Variants in PALM2AKAP2 observed in about 807,000 individuals in gnomAD.
PALM2AKAP2 encodes PALM2 and AKAP2 fusion.
A neutral mutation model predicts 71.5 loss-of-function variants in PALM2AKAP2; 37 were observed. That is an observed-to-expected ratio of 0.52 (90% CI 0.40 to 0.68). PALM2AKAP2 has a LOEUF of 0.68. Ranked by LOEUF, PALM2AKAP2 falls within the 30% of genes least tolerant of loss-of-function variation. The pLI is 0.00. For missense variants in PALM2AKAP2, 1,224 were observed against 1,191.8 expected (o/e 1.03, Z -0.40); for synonymous variants, 468 against 478.8 (o/e 0.98, Z 0.29).
chr9:109,748,397 G>A (rs1330658458), intron 1 of PALM2AKAP2, among the ~76,000 whole-genome samples: 1 of 152,110 alleles, frequency 6.6e-6, no homozygotes, highest in African/African-American at 2.4e-5. Flanking sequence ...AAGACAGCTG[G>A]GGCATCGGCC....
At chr9:109,943,449 C>T in intron 6 of PALM2AKAP2, 1 of 1,582,320 alleles carries the variant, frequency 6.3e-7, no homozygotes, top group Non-Finnish European at 8.6e-7. Flanking sequence ...CTCCTTTCTT[C>T]TGGGCAGCCT....
intron 1 of PALM2AKAP2, among the ~76,000 whole-genome samples, chr9:109,672,399 C>A (rs1034563862): frequency 6.6e-6 from 1 of 152,008 alleles, no homozygotes; most frequent in Admixed American, 6.6e-5. Context: ...TGTGATGAAT[C>A]ACATTTATTA....
chr9:109,780,388 G>T, upstream of PALM2AKAP2: 2 of 1,606,346 alleles, frequency 1.2e-6, no homozygotes, highest in South Asian at 1.1e-5. Context: ...CGTTCTCCCG[G>T]GTTCTAGCAA....
intron 1 of PALM2AKAP2, among the ~76,000 whole-genome samples, chr9:109,687,078 TGTTG>T (rs1827816934): frequency 6.6e-6 from 1 of 152,164 alleles, no homozygotes; most frequent in South Asian, 2.1e-4. Flanking sequence ...AGTATATCAT[TGTTG>T]GTCATTTAGG....
Position 109,791,124 on chromosome 9 carries a change from G to A in PALM2AKAP2, c.45+10591G>A, listed in dbSNP as rs577077261. ...GAGGTCCTGGAGGCAGCAGTAGAAT[G>A]TACTTTCCAATCTTACTGGTGACTA... On this transcript the variant is annotated intron_variant, in intron 1 of 9. Transcript: ENST00000302798. Among the ~76,000 whole-genome samples the A allele has an allele frequency of 6.4e-4, 98 of 152,308 alleles. 1 individual carries two copies. The highest frequency in any genetic ancestry group is 3.4e-3 in the Middle Eastern group (1 of 294).
chr9:110,135,189 A>ATATATATATATATATATATATATATATAT (rs1835831604), intron 1 of PALM2AKAP2, among the ~76,000 whole-genome samples: 1 of 113,346 alleles, frequency 8.8e-6, no homozygotes, highest in African/African-American at 3.4e-5. Context: ...ATATATATAT[A>ATATATATATATATATATATATATATATAT]AATCAGCCAG....
At chr9:110,012,113 C>T (rs1484420178) in intron 6 of PALM2AKAP2, among the ~76,000 whole-genome samples, 1 of 151,956 alleles carries the variant, frequency 6.6e-6, no homozygotes, top group African/African-American at 2.4e-5. Context: ...ACCAACGTGG[C>T]AAAACCCTGT....
At chr9:109,818,395 C>T (rs749668372) in intron 1 of PALM2AKAP2, among the ~76,000 whole-genome samples, 1 of 152,058 alleles carries the variant, frequency 6.6e-6, no homozygotes, top group Non-Finnish European at 1.5e-5. Context: ...TTAAAATTGG[C>T]GTGGGGCACA....
intron 6 of PALM2AKAP2, among the ~76,000 whole-genome samples, chr9:110,000,015 C>A (rs547164562): frequency 1.5e-5 from 2 of 133,156 alleles, no homozygotes; most frequent in African/African-American, 2.8e-5. Context: ...TATTTTTTTT[C>A]TTTTTTTAAT....
chr9:109,844,175 C>A (rs1164948329), intron 1 of PALM2AKAP2, among the ~76,000 whole-genome samples: 1 of 152,184 alleles, frequency 6.6e-6, no homozygotes, highest in Non-Finnish European at 1.5e-5. Flanking sequence ...TTAATTTTCA[C>A]AGCAACCATG....
At chr9:109,976,978 T>A (rs181610173) in intron 6 of PALM2AKAP2, among the ~76,000 whole-genome samples, 10 of 152,084 alleles carry the variant, frequency 6.6e-5, no homozygotes, top group Admixed American at 1.3e-4. Context: ...AAAAGCAATA[T>A]GCCAGTGGTG....
chr9:109,863,572 T>G (rs1369175549), intron 1 of PALM2AKAP2, among the ~76,000 whole-genome samples: 1 of 151,900 alleles, frequency 6.6e-6, no homozygotes, highest in Non-Finnish European at 1.5e-5. Context: ...GCCCGAAGAG[T>G]TACTGGTTTT....
chr9:110,012,602 C>T (rs1332630852), intron 6 of PALM2AKAP2, among the ~76,000 whole-genome samples: 2 of 152,190 alleles, frequency 1.3e-5, no homozygotes, highest in Non-Finnish European at 2.9e-5. Context: ...AATGTTATTA[C>T]TAAAACACTT....
intron 1 of PALM2AKAP2, among the ~76,000 whole-genome samples, chr9:109,686,454 C>G (rs1164581877): frequency 2.0e-5 from 3 of 152,176 alleles, no homozygotes; most frequent in African/African-American, 7.2e-5. Flanking sequence ...CCTTGTACAT[C>G]TCCATCAAAG....
At chr9:109,702,766 G>T (rs992194106) in intron 1 of PALM2AKAP2, among the ~76,000 whole-genome samples, 2 of 141,040 alleles carry the variant, frequency 1.4e-5, no homozygotes, top group Non-Finnish European at 1.6e-5. Context: ...AAAAAAAAAA[G>T]AAAATAAATC....
At chr9:109,875,625 G>A (rs1351337635) in intron 2 of PALM2AKAP2, among the ~76,000 whole-genome samples, 2 of 152,180 alleles carry the variant, frequency 1.3e-5, no homozygotes, top group Non-Finnish European at 2.9e-5. Context: ...TACTCAAATC[G>A]TGGTCCTCAG....
intron 6 of PALM2AKAP2, among the ~76,000 whole-genome samples, 171 bp downstream of exon 6, chr9:109,932,199 T>A (rs549382682): frequency 2.1e-4 from 32 of 152,338 alleles, no homozygotes; most frequent in African/African-American, 7.2e-4. Flanking sequence ...CGGCCCCAGA[T>A]GGGTAACTGA....
intron 1 of PALM2AKAP2, among the ~76,000 whole-genome samples, chr9:109,677,861 T>C (rs143496290): frequency 3.9e-5 from 6 of 152,158 alleles, no homozygotes; most frequent in Middle Eastern, 6.8e-3. Flanking sequence ...AAATATGCAA[T>C]ACAAATGGGT....
chr9:109,999,155 A>G (rs1339555274), intron 6 of PALM2AKAP2, among the ~76,000 whole-genome samples: 2 of 152,018 alleles, frequency 1.3e-5, no homozygotes, highest in Non-Finnish European at 2.9e-5. Context: ...CCTGGCCAAC[A>G]AGGCGAAATC....
Sources: gnomAD v4.1 joint callset for allele counts (sites outside exome capture counted in the v4.1 genomes callset) on GRCh38, gnomAD v4.1.1 for gene constraint, MANE v1.5 for transcripts, NCBI Gene and HGNC (gene_info 2026-07-23, HGNC 2026-07-21) for gene names.